Variants in ZYG11B observed in about 807,000 individuals in gnomAD.
ZYG11B encodes zyg-11 family member B, cell cycle regulator.
In ZYG11B, 36 loss-of-function variants were observed where a neutral mutation model predicts 82.4. That is an observed-to-expected ratio of 0.44 (90% confidence interval 0.33 to 0.58). The LOEUF is 0.58. ZYG11B is among the 20% of genes least tolerant of loss of function. The pLI, the probability that ZYG11B is intolerant of heterozygous loss-of-function variation, is 0.02. For missense variants in ZYG11B, 552 were observed against 895.6 expected, an observed-to-expected ratio of 0.62 and a Z score of 4.90; for synonymous variants, 303 against 312.8, an observed-to-expected ratio of 0.97 and a Z score of 0.33.
At chr1:52,754,276 T>TG in intron 1 of ZYG11B, 1 of 152,354 alleles carries the variant, frequency 6.6e-6, no homozygotes, top group Non-Finnish European at 1.5e-5. Context: ...CCGCCCACCT[T>TG]GGCCTCCCAA....
In ZYG11B at chr1:52,815,100, G is replaced by T. The variant is rs546865117; in HGVS notation, c.1946+1188G>T. Among the ~76,000 whole-genome samples the T allele has an allele frequency of 7.3e-4, 111 of 152,260 alleles. 1 individual carries two copies. In the South Asian group the frequency reaches 0.023, roughly 31 times the overall value. On this transcript the variant is annotated intron_variant, in intron 12 of 13. Transcript: ENST00000294353. ...TTGAACTTGGGAGGTGGAGGTTGCA[G>T]TGAGCTGAGATGGCGCCACTGCACT...
chr1:52,796,408 T>A lies in ZYG11B; in HGVS notation c.1434+17T>A, dbSNP rs1311368913. ...GCTGCCAAGGTACCTGAACTCTTGC[T>A]GAATAATTTTCTGTAGACAGCTGTT... On this transcript the variant is annotated intron_variant, in intron 7 of 13. Coordinates refer to ENST00000294353, the MANE Select transcript of ZYG11B (RefSeq NM_024646.3). The A allele has an allele frequency of 6.3e-7, 1 of 1,598,266 alleles. No homozygotes were observed. The highest frequency in any genetic ancestry group is 8.6e-7 in the Non-Finnish European group (1 of 1,166,548).
At chr1:52,804,709 G>T (rs1357082657) in intron 10 of ZYG11B, among the ~76,000 whole-genome samples, 1 of 152,078 alleles carries the variant, frequency 6.6e-6, no homozygotes, top group African/African-American at 2.4e-5. Flanking sequence ...TTGAGACAAA[G>T]GTAAAGATCA....
intron 1 of ZYG11B, among the ~76,000 whole-genome samples, chr1:52,755,377 T>A (rs1254792496): frequency 2.0e-5 from 3 of 152,228 alleles, no homozygotes; most frequent in Non-Finnish European, 4.4e-5. Flanking sequence ...TCTATCCTTA[T>A]GCTGGTGCCA....
At chr1:52,816,414 A>G in intron 12 of ZYG11B, 118 bp from the exon 13 acceptor site, 2 of 672,892 alleles carry the variant, frequency 3.0e-6, no homozygotes, top group East Asian at 5.4e-5. Flanking sequence ...TAGCTCATTT[A>G]TATTAGTCTA....
chr1:52,780,555 C>G (rs769000924), intron 4 of ZYG11B, among the ~76,000 whole-genome samples: 12 of 152,036 alleles, frequency 7.9e-5, no homozygotes, highest in African/African-American at 1.4e-4. Flanking sequence ...CTATAAGGTA[C>G]TTTTCCATGC....
intron 6 of ZYG11B, among the ~76,000 whole-genome samples, chr1:52,792,644 T>G (rs1021652611): frequency 3.9e-5 from 6 of 152,204 alleles, no homozygotes; most frequent in African/African-American, 1.4e-4. Flanking sequence ...CTATGTTGTT[T>G]TGAAGATGAG....
chr1:52,757,686 A>G (rs1644591473), intron 2 of ZYG11B, among the ~76,000 whole-genome samples: 1 of 151,634 alleles, frequency 6.6e-6, no homozygotes, highest in Non-Finnish European at 1.5e-5. Flanking sequence ...AAACAAACAA[A>G]CTAACAATAA....
At chr1:52,777,081 G>T (rs1483018364) in intron 3 of ZYG11B, among the ~76,000 whole-genome samples, 1 of 151,776 alleles carries the variant, frequency 6.6e-6, no homozygotes, top group African/African-American at 2.4e-5. Context: ...GTGGTGGCGG[G>T]CGCCTGTAAT....
At chr1:52,799,885 CAT>C (rs1283225798) in intron 8 of ZYG11B, among the ~76,000 whole-genome samples, 1 of 152,080 alleles carries the variant, frequency 6.6e-6, no homozygotes, top group African/African-American at 2.4e-5. Flanking sequence ...CTGGAGTTGA[CAT>C]ATCTGGATTT....
intron 1 of ZYG11B, among the ~76,000 whole-genome samples, chr1:52,752,098 A>G (rs1424172549): frequency 6.6e-6 from 1 of 152,080 alleles, no homozygotes; most frequent in Non-Finnish European, 1.5e-5. Context: ...CACTTCCACA[A>G]GATGGCCTCC....
chr1:52,756,069 A>G (rs1443865786), intron 1 of ZYG11B, among the ~76,000 whole-genome samples: 1 of 152,120 alleles, frequency 6.6e-6, no homozygotes, highest in Non-Finnish European at 1.5e-5. Flanking sequence ...CCCTATTTTT[A>G]AAAAATAGCT....
chr1:52,783,886 G>GTACATACACGTGTGTGTGTATT (rs1644884382), intron 4 of ZYG11B, among the ~76,000 whole-genome samples: 1 of 136,586 alleles, frequency 7.3e-6, no homozygotes, highest in Non-Finnish European at 1.6e-5. Context: ...GTGTGTATAT[G>GTACATACACGTGTGTGTGTATT]TACATACACG....
In ZYG11B at chr1:52,802,112, C is replaced by T; in HGVS notation, c.1668C>T (p.Ser556=). 6.2e-7 allele frequency: 1 copy of T among 1,611,144 alleles called. No homozygotes were observed. The highest frequency in any genetic ancestry group is 8.5e-7 in the Non-Finnish European group (1 of 1,179,230). ...TACAGTCTTTCCCAACTGAGTCATC[C>T]ATTCAGCAGAAAGTTCTAGGACTTT... The part of the protein sequence containing the change: ...RVLESFPTES[S]IQQKVLGLLN... The change falls in exon 10 of 14, where the codon TCC becomes TCT. Residue 556 remains serine, a synonymous_variant. Coordinates refer to ENST00000294353, the MANE Select transcript of ZYG11B (RefSeq NM_024646.3).
chr1:52,806,456 T>G (rs1367122011), intron 10 of ZYG11B, among the ~76,000 whole-genome samples: 3 of 152,230 alleles, frequency 2.0e-5, no homozygotes, highest in African/African-American at 7.2e-5. Flanking sequence ...ATGTTTCTCC[T>G]TACAGTTCTA....
intron 8 of ZYG11B, among the ~76,000 whole-genome samples, chr1:52,800,220 G>A (rs1041418044): frequency 6.8e-6 from 1 of 147,432 alleles, no homozygotes; most frequent in Admixed American, 6.9e-5. Flanking sequence ...AGTCTACAGC[G>A]AACTATAATT....
intron 1 of ZYG11B, among the ~76,000 whole-genome samples, chr1:52,728,334 G>T (rs955717477): frequency 1.3e-5 from 2 of 152,194 alleles, no homozygotes; most frequent in Non-Finnish European, 2.9e-5. Context: ...ATGGCTCTTT[G>T]CAACCTTGAA....
intron 1 of ZYG11B, among the ~76,000 whole-genome samples, chr1:52,734,143 A>G (rs1010216535): frequency 3.3e-5 from 5 of 152,088 alleles, no homozygotes; most frequent in African/African-American, 4.8e-5. Flanking sequence ...GACCACAGGC[A>G]TATGCCAGCA....
intron 8 of ZYG11B, among the ~76,000 whole-genome samples, chr1:52,800,736 G>C (rs61683936): frequency 0.026 from 4,024 of 152,174 alleles, 139 homozygotes; most frequent in East Asian, 0.17. Flanking sequence ...TGAACCCCGG[G>C]GGGGTGGAGG....
Sources: allele counts gnomAD v4.1 joint callset (sites outside exome capture counted in the v4.1 genomes callset), GRCh38; gene constraint gnomAD v4.1.1; transcripts MANE v1.5; gene names NCBI Gene and HGNC (gene_info 2026-07-23, HGNC 2026-07-21).